GSK3B: variants seen among roughly 807,000 people sequenced by gnomAD.
GSK3B encodes glycogen synthase kinase-3 beta.
In GSK3B, 15 loss-of-function variants were observed where a neutral mutation model predicts 56.4. That is an observed-to-expected ratio of 0.27 (90% CI 0.18 to 0.41). The LOEUF is 0.41. Ranked by LOEUF, GSK3B falls within the 10% of genes least tolerant of loss-of-function variation. GSK3B has a pLI of 1.00. For missense variants in GSK3B, 300 were observed against 513.4 expected (o/e 0.58, Z 4.02); for synonymous variants, 181 against 188.9 (o/e 0.96, Z 0.34).
intron 1 of GSK3B, among the ~76,000 whole-genome samples, chr3:120,033,135 T>A (rs1162379840): frequency 6.6e-6 from 1 of 152,246 alleles, no homozygotes; most frequent in East Asian, 1.9e-4. Flanking sequence ...CTTCTTTTAC[T>A]TAGAATGTTT....
intron 2 of GSK3B, among the ~76,000 whole-genome samples, chr3:119,989,602 G>A (rs997477396): frequency 2.0e-5 from 3 of 150,240 alleles, no homozygotes; most frequent in East Asian, 3.9e-4. Flanking sequence ...CTGAGATTGC[G>A]CCACTGTACT....
intron 1 of GSK3B, among the ~76,000 whole-genome samples, chr3:120,056,745 C>A (rs904691317): frequency 6.6e-6 from 1 of 152,132 alleles, no homozygotes. Flanking sequence ...GAGCATGACC[C>A]CAAAGCCAGA....
rs1490201817 is a variant in GSK3B at position 119,821,789 on chromosome 3, G to A, written c.*4999C>T. The A allele has an allele frequency of 1.2e-5, 2 of 161,106 alleles. No homozygotes were observed. The highest frequency in any genetic ancestry group is 4.1e-4 in the South Asian group (2 of 4,888). 10.0% of individuals were successfully genotyped at this position (161,106 alleles called of 1,614,324 possible). On this transcript the variant is annotated 3_prime_UTR_variant, in exon 11 of 11. Coordinates refer to ENST00000264235, the MANE Select transcript of GSK3B (RefSeq NM_001146156.2). The stretch of plus-strand genomic sequence containing the variant: ...GGCTACACAATGGAATAAAATCATT[G>A]GAAAGAACAAGAAGTGGTATTGATA...
intron 5 of GSK3B, among the ~76,000 whole-genome samples, chr3:119,913,864 T>C (rs2056757744): frequency 6.6e-6 from 1 of 152,100 alleles, no homozygotes; most frequent in Non-Finnish European, 1.5e-5. Flanking sequence ...AACCATTTCA[T>C]AAATTAATAA....
At chr3:119,831,599 A>G (rs371242283) in intron 10 of GSK3B, among the ~76,000 whole-genome samples, 1 of 151,592 alleles carries the variant, frequency 6.6e-6, no homozygotes, top group Admixed American at 6.6e-5. Flanking sequence ...AGAGGTTGCA[A>G]TGAGCCGAAA....
chr3:120,079,989 C>T (rs1206836595), intron 1 of GSK3B, among the ~76,000 whole-genome samples: 2 of 152,114 alleles, frequency 1.3e-5, no homozygotes, highest in Non-Finnish European at 2.9e-5. Context: ...TCATATTCGA[C>T]CACTATTTAA....
At chr3:120,032,996 T>C (rs562718669) in intron 1 of GSK3B, among the ~76,000 whole-genome samples, 2 of 152,290 alleles carry the variant, frequency 1.3e-5, no homozygotes, top group South Asian at 4.1e-4. Flanking sequence ...ACTGTACCTC[T>C]TAGGTGTCAT....
intron 9 of GSK3B, among the ~76,000 whole-genome samples, chr3:119,860,194 T>A (rs912828455): frequency 2.0e-5 from 3 of 152,208 alleles, no homozygotes; most frequent in African/African-American, 7.2e-5. Flanking sequence ...AGTCTTGGAA[T>A]AGGCAACAAA....
At chr3:120,036,731 T>C (rs2058026117) in intron 1 of GSK3B, among the ~76,000 whole-genome samples, 1 of 134,540 alleles carries the variant, frequency 7.4e-6, no homozygotes, top group Non-Finnish European at 1.5e-5. Context: ...AGGCAGAAGT[T>C]GCGGTGAGCC....
chr3:120,089,497 A>G (rs924673470), intron 1 of GSK3B, among the ~76,000 whole-genome samples: 18 of 152,188 alleles, frequency 1.2e-4, no homozygotes, highest in Admixed American at 3.3e-4. Flanking sequence ...CGGAAACTCT[A>G]AGTTGCTACC....
intron 7 of GSK3B, among the ~76,000 whole-genome samples, chr3:119,881,940 T>A (rs1470826339): frequency 6.6e-6 from 1 of 152,196 alleles, no homozygotes; most frequent in Non-Finnish European, 1.5e-5. Context: ...ACTGCCGCCA[T>A]CCATGTAATA....
At chr3:119,869,623 T>G (rs916186963) in intron 8 of GSK3B, among the ~76,000 whole-genome samples, 1 of 152,236 alleles carries the variant, frequency 6.6e-6, no homozygotes, top group African/African-American at 2.4e-5. Context: ...CAAGTTCTAC[T>G]ATAGGTAAGA....
chr3:119,977,785 T>C (rs76067602), intron 2 of GSK3B, among the ~76,000 whole-genome samples: 2 of 151,954 alleles, frequency 1.3e-5, no homozygotes, highest in Non-Finnish European at 2.9e-5. Context: ...GGGGAAAAAA[T>C]TTGACGTATA....
intron 2 of GSK3B, among the ~76,000 whole-genome samples, chr3:119,953,585 A>C (rs931125666): frequency 1.3e-5 from 2 of 152,174 alleles, no homozygotes; most frequent in African/African-American, 4.8e-5. Context: ...ATAAAGTCTA[A>C]ATCACTTTAT....
intron 2 of GSK3B, among the ~76,000 whole-genome samples, chr3:119,962,505 A>C (rs183626431): frequency 6.6e-6 from 1 of 152,328 alleles, no homozygotes; most frequent in Non-Finnish European, 1.5e-5. Flanking sequence ...CACTCTTGCC[A>C]TCTATTCAAC....
chr3:119,988,646 CAGA>C (rs2057537415), intron 2 of GSK3B, among the ~76,000 whole-genome samples: 1 of 152,158 alleles, frequency 6.6e-6, no homozygotes, highest in Non-Finnish European at 1.5e-5. Flanking sequence ...CACTTTCTAG[CAGA>C]CCAGGAATAC....
rs1050251960 is a variant in GSK3B at position 119,833,976 on chromosome 3, G to A, written c.1196-7121C>T. ...ACCTCCCAAAGTGCTGGGATTGTAG[G>A]TGTGAGTCACTGCACCCCGCCAGGT... On this transcript the variant is annotated intron_variant, in intron 10 of 10. Transcript: ENST00000264235. 2.6e-5 allele frequency among the ~76,000 whole-genome samples: 4 copies of A among 152,112 alleles called. No individual in the cohort carries two copies. In the South Asian group the frequency reaches 6.2e-4, roughly 24 times the overall value.
At chr3:119,853,250 T>C (rs2055964285) in intron 9 of GSK3B, among the ~76,000 whole-genome samples, 2 of 152,198 alleles carry the variant, frequency 1.3e-5, no homozygotes, top group South Asian at 4.1e-4. Flanking sequence ...TGATATTATT[T>C]CTGAGGGCTC....
At chr3:119,893,064 G>A (rs1385382921) in intron 7 of GSK3B, among the ~76,000 whole-genome samples, 1 of 152,012 alleles carries the variant, frequency 6.6e-6, no homozygotes, top group African/African-American at 2.4e-5. Context: ...TTGGTGTGCG[G>A]TGGTGCAATC....
Sources: allele counts gnomAD v4.1 joint callset (sites outside exome capture counted in the v4.1 genomes callset), GRCh38; gene constraint gnomAD v4.1.1; transcripts MANE v1.5; gene names NCBI Gene and HGNC (gene_info 2026-07-23, HGNC 2026-07-21).